Variants in TLN2 observed in about 807,000 individuals in gnomAD.
TLN2 encodes talin-2.
A neutral mutation model predicts 294.7 loss-of-function variants in TLN2; 118 were observed. The ratio of observed to expected loss-of-function variants is 0.40; its 90% CI spans 0.34 to 0.47. The LOEUF (loss-of-function observed/expected upper bound fraction) is 0.47. TLN2 is among the 20% of genes least tolerant of loss of function. TLN2 has a pLI of 0.84. For synonymous variants in TLN2, 1,431 were observed against 1,304.5 expected (o/e 1.10, Z -2.09); for missense variants, 3,083 against 3,282.2 (o/e 0.94, Z 1.48).
chr15:62,625,626 A>G (rs1324091735), intron 3 of TLN2, among the ~76,000 whole-genome samples: 1 of 152,130 alleles, frequency 6.6e-6, no homozygotes, highest in Non-Finnish European at 1.5e-5. Flanking sequence ...GGGCTGGGGG[A>G]GGACGGGAAC....
At chr15:62,647,508 TAA>T (rs887913869) in intron 4 of TLN2, 62 bp downstream of exon 4, 3 of 1,607,900 alleles carry the variant, frequency 1.9e-6, no homozygotes, top group Non-Finnish European at 2.5e-6. Flanking sequence ...ACTTTTTTGC[TAA>T]AGAGACAGAG....
At chr15:62,747,483 T>G (rs2061680295) in intron 32 of TLN2, among the ~76,000 whole-genome samples, 1 of 152,222 alleles carries the variant, frequency 6.6e-6, no homozygotes, top group Non-Finnish European at 1.5e-5. Context: ...TCACTTTATA[T>G]CCATGTATTT....
intron 40 of TLN2, among the ~76,000 whole-genome samples, chr15:62,764,472 A>G (rs1350948570): frequency 1.3e-5 from 2 of 152,110 alleles, no homozygotes; most frequent in South Asian, 2.1e-4. Flanking sequence ...AGAGCTGTCT[A>G]TTTCGCTCCA....
rs141538565 is a variant in TLN2 at position 62,669,164 on chromosome 15, C to T, written c.789-4663C>T. 7.6e-4 allele frequency among the ~76,000 whole-genome samples: 115 copies of T among 152,262 alleles called. 1 individual carries two copies. Among genetic ancestry groups the T allele is most frequent in the Non-Finnish European group, 1.4e-3 (98 of 68,024 alleles). ...TTTTTTCCTTTTCAGTATTTGACAG[C>T]TATCTATATGTCATTTGATACATTT... On this transcript the variant is annotated intron_variant, in intron 9 of 58. Coordinates refer to ENST00000636159, the MANE Select transcript of TLN2 (RefSeq NM_015059.3).
chr15:62,672,408 C>G (rs2055541467), intron 9 of TLN2, among the ~76,000 whole-genome samples: 1 of 152,110 alleles, frequency 6.6e-6, no homozygotes, highest in Admixed American at 6.6e-5. Flanking sequence ...ATTGCCCCAT[C>G]ACATGGTATT....
At chr15:62,486,045 G>A (rs543143564) in intron 1 of TLN2, among the ~76,000 whole-genome samples, 7 of 152,170 alleles carry the variant, frequency 4.6e-5, no homozygotes, top group African/African-American at 1.4e-4. Flanking sequence ...TTTCTATATA[G>A]CATTACCTAA....
intron 54 of TLN2, chr15:62,830,909 T>G (rs1017073054): frequency 6.6e-6 from 1 of 152,162 alleles, no homozygotes; most frequent in African/African-American, 2.4e-5. Flanking sequence ...GTATCTGTTT[T>G]AAAGCATAGA....
chr15:62,803,982 T>C (rs763824965), intron 50 of TLN2, among the ~76,000 whole-genome samples: 4 of 152,210 alleles, frequency 2.6e-5, no homozygotes, highest in Non-Finnish European at 2.9e-5. Context: ...ATCTAAGCCG[T>C]ATCTGCATCG....
At chr15:62,739,289 T>A in intron 30 of TLN2, 59 bp from the exon 31 acceptor site, 1 of 1,549,610 alleles carries the variant, frequency 6.5e-7, no homozygotes, top group Admixed American at 1.8e-5. Context: ...AATACCTTCC[T>A]TTTATCCCTC....
At chr15:62,807,471 G>C (rs953064529) in intron 51 of TLN2, among the ~76,000 whole-genome samples, 2 of 152,158 alleles carry the variant, frequency 1.3e-5, no homozygotes. Flanking sequence ...GTCTGTTTCT[G>C]CTACTCAGGG....
intron 3 of TLN2, chr15:62,640,424 C>T (rs1391624852): frequency 6.7e-6 from 3 of 449,770 alleles, no homozygotes; most frequent in South Asian, 3.1e-5. Flanking sequence ...CTCCACGGCC[C>T]CATTGAGGTA....
At chr15:62,447,171 GTTTATTTA>G (rs1249882204) in intron 1 of TLN2, among the ~76,000 whole-genome samples, 6 of 31,602 alleles carry the variant, frequency 1.9e-4, no homozygotes, top group Non-Finnish European at 7.7e-4. Context: ...TTATTTATTT[GTTTATTTA>G]TTTATTTAAT....
intron 16 of TLN2, among the ~76,000 whole-genome samples, chr15:62,700,162 T>C (rs2058626674): frequency 6.6e-6 from 1 of 152,350 alleles, no homozygotes. Flanking sequence ...CAGACTCCCA[T>C]ATCCAGTATA....
At chr15:62,759,259 C>G (rs568366268) in intron 37 of TLN2, among the ~76,000 whole-genome samples, 6 of 152,304 alleles carry the variant, frequency 3.9e-5, no homozygotes, top group African/African-American at 1.2e-4. Flanking sequence ...TGCAAACTAT[C>G]CTTTCTGACG....
intron 22 of TLN2, among the ~76,000 whole-genome samples, chr15:62,715,568 A>C (rs1395489957): frequency 6.6e-6 from 1 of 152,234 alleles, no homozygotes; most frequent in South Asian, 2.1e-4. Context: ...ACCCATCTAA[A>C]TAAAATCCAC....
intron 48 of TLN2, among the ~76,000 whole-genome samples, chr15:62,797,684 G>A (rs1007798193): frequency 7.2e-5 from 11 of 152,226 alleles, no homozygotes; most frequent in Non-Finnish European, 1.0e-4. Context: ...CATACCTGAG[G>A]GAGGGGAAGG....
chr15:62,428,505 G>A (rs758708386), intron 1 of TLN2, among the ~76,000 whole-genome samples: 17 of 152,350 alleles, frequency 1.1e-4, no homozygotes, highest in South Asian at 2.1e-4. Context: ...AAGAAAGCAC[G>A]TGAAGCCACG....
At chr15:62,577,102 G>T (rs1266301325) in intron 1 of TLN2, among the ~76,000 whole-genome samples, 1 of 152,178 alleles carries the variant, frequency 6.6e-6, no homozygotes. Flanking sequence ...AATGAGTAGA[G>T]AATTTGTTTT....
intron 1 of TLN2, among the ~76,000 whole-genome samples, chr15:62,571,165 A>G (rs1192940456): frequency 6.6e-6 from 1 of 152,208 alleles, no homozygotes; most frequent in Non-Finnish European, 1.5e-5. Flanking sequence ...TGTAGATGCC[A>G]GTTGCACTGA....
Sources: allele counts gnomAD v4.1 joint callset (sites outside exome capture counted in the v4.1 genomes callset), GRCh38; gene constraint gnomAD v4.1.1; transcripts MANE v1.5; gene names NCBI Gene and HGNC (gene_info 2026-07-23, HGNC 2026-07-21).